STAG3: variants seen among roughly 807,000 people sequenced by gnomAD.
The protein encoded by STAG3 is STAG3 cohesin complex component.
A neutral mutation model predicts 160.7 loss-of-function variants in STAG3; 101 were observed. The ratio of observed to expected loss-of-function variants is 0.63; its 90% CI spans 0.54 to 0.74. STAG3 has a LOEUF of 0.74. Among genes scored for constraint, STAG3 ranks in the 30% least tolerant of loss-of-function variants. STAG3 has a pLI of 0.00. For synonymous variants in STAG3, 519 were observed against 585.0 expected (o/e 0.89, Z 1.63); for missense variants, 1,188 against 1,517.4 (o/e 0.78, Z 3.61).
chr7:100,208,761 C>G (rs1801897562), intron 29 of STAG3, among the ~76,000 whole-genome samples: 1 of 152,156 alleles, frequency 6.6e-6, no homozygotes, highest in Non-Finnish European at 1.5e-5. Context: ...CTAAACATCT[C>G]TTTCTTTAGA....
chr7:100,179,701 T>G (rs1799517731), intron 1 of STAG3, among the ~76,000 whole-genome samples: 1 of 152,172 alleles, frequency 6.6e-6, no homozygotes, highest in Non-Finnish European at 1.5e-5. Context: ...TTGTTGTGCT[T>G]AATCCCTTGA....
At chr7:100,201,195 T>C in intron 20 of STAG3, 35 bp downstream of exon 20, 1 of 1,614,110 alleles carries the variant, frequency 6.2e-7, no homozygotes, top group Non-Finnish European at 8.5e-7. Context: ...CATCCCGTTT[T>C]TACTGGTGTC....
downstream of STAG3, chr7:100,214,841 A>G (rs1488942596): frequency 6.6e-6 from 1 of 152,150 alleles, no homozygotes; most frequent in Non-Finnish European, 1.5e-5. Context: ...GTCCAACCCT[A>G]AAATCCAAGT....
chr7:100,182,404 C>T (rs146224381), intron 3 of STAG3, among the ~76,000 whole-genome samples: 1 of 150,456 alleles, frequency 6.6e-6, no homozygotes, highest in East Asian at 1.9e-4. Flanking sequence ...TCAGGTGATA[C>T]GGTTCATAAA....
chr7:100,217,383 C>G (rs938547608), downstream of STAG3, among the ~76,000 whole-genome samples: 1 of 152,240 alleles, frequency 6.6e-6, no homozygotes, highest in Non-Finnish European at 1.5e-5. Flanking sequence ...GCTTAGGTAG[C>G]AGGCATGGAG....
rs149417280 is a variant in STAG3 at position 100,211,167 on chromosome 7, A to G, written c.3395A>G (p.Glu1132Gly). ...LKEMEEEDGS[E>G]LDFAQGSQPV... is the part of the protein sequence containing the mutation. Reference sequence around the variant, plus strand: ...GAGATGGAGGAAGAAGATGGCTCAGAGTTGGATTTTGCCCAGGGGTGAGGC... The same window carrying G: ...GAGATGGAGGAAGAAGATGGCTCAGGGTTGGATTTTGCCCAGGGGTGAGGC... The change falls in exon 30 of 34, where the codon GAG (glutamate) becomes GGG (glycine). Residue 1132 changes from glutamate to glycine, a missense_variant. Physicochemically the swap from Glu to Gly is moderately conservative, Grantham distance 98. Around this residue, in one of 4 missense-constraint regions of STAG3, gnomAD observed 647 missense variants for 717.2 expected, o/e 0.90. Coordinates refer to ENST00000615138, the MANE Select transcript of STAG3 (RefSeq NM_001282717.2). 9.6e-5 allele frequency: 153 copies of G among 1,587,130 alleles called. No individual in the cohort carries two copies. The African/African-American group carries it at 1.9e-3, about 20-fold the overall frequency.
In STAG3 at chr7:100,211,077, T is replaced by TGCCCCCCC; in HGVS notation, c.3305_3306insGCCCCCCC (p.Ile1102MetfsTer15). 3 of 1,600,766 alleles carry TGCCCCCCC rather than the reference T, an allele frequency of 1.9e-6. No homozygotes were observed. The highest frequency in any genetic ancestry group is 1.1e-5 in the South Asian group (1 of 90,826). ...GAAGAAAGTCTGCAGCTGAACAGCA[T>TGCCCCCCC]CCCGCCCACGCCCACCCTCACCTCC... On this transcript the variant is annotated frameshift_variant, in exon 30 of 34. Transcript: ENST00000615138. LOFTEE classifies it high-confidence loss of function.
chr7:100,210,925 C>G, intron 29 of STAG3, 86 bp from the exon 30 acceptor site: 1 of 1,419,520 alleles, frequency 7.0e-7, no homozygotes, highest in Non-Finnish European at 9.6e-7. Flanking sequence ...TTGACTTTCC[C>G]TTACTAAATC....
chr7:100,201,860 T>C lies in STAG3; in HGVS notation c.2295T>C (p.Ala765=), dbSNP rs773425036. ...WTLTHISKSD[A]SQKQLSSLRD... is the part of the protein sequence containing the mutation. Reference sequence around the variant, plus strand: ...TAACCCACATTTCTAAATCAGATGCTTCCCAGGTGAGTGTGGGTCTTAGAT... The same window carrying C: ...TAACCCACATTTCTAAATCAGATGCCTCCCAGGTGAGTGTGGGTCTTAGAT... Residue 765 remains alanine (A), a synonymous_variant, in exon 22 of 34, where the codon GCT becomes GCC. Coordinates refer to ENST00000615138, the MANE Select transcript of STAG3 (RefSeq NM_001282717.2). The C allele has an allele frequency of 1.2e-5, 20 of 1,614,064 alleles. No individual in the cohort carries two copies. The highest frequency in any genetic ancestry group is 1.6e-5 in the Non-Finnish European group (19 of 1,180,012).
At chr7:100,198,651 C>A in intron 13 of STAG3, 69 bp downstream of exon 13, 1 of 1,464,798 alleles carries the variant, frequency 6.8e-7, no homozygotes, top group East Asian at 2.3e-5. Flanking sequence ...CTGCTGCTGC[C>A]CTACCTAAGG....
At chr7:100,198,790 C>T (rs1466017734) in intron 13 of STAG3, 53 bp from the exon 14 acceptor site, 3 of 1,517,602 alleles carry the variant, frequency 2.0e-6, no homozygotes, top group East Asian at 2.2e-5. Flanking sequence ...GTGGTCGTTA[C>T]ACCTCCTTGT....
intron 8 of STAG3, among the ~76,000 whole-genome samples, chr7:100,190,500 A>G (rs140672630): frequency 7.7e-4 from 117 of 152,286 alleles, no homozygotes; most frequent in African/African-American, 2.7e-3. Context: ...CTTGAATATT[A>G]ATCTATCCCG....
chr7:100,199,647 ATG>A lies in STAG3; in HGVS notation c.1677+4_1677+5del. 2 of 1,585,990 alleles carry A rather than the reference ATG, an allele frequency of 1.3e-6. No individual in the cohort carries two copies. The highest frequency in any genetic ancestry group is 1.7e-6 in the Non-Finnish European group (2 of 1,165,900). On this transcript the variant is annotated splice_donor_5th_base_variant and intron_variant, in intron 16 of 33. Coordinates refer to ENST00000615138, the MANE Select transcript of STAG3 (RefSeq NM_001282717.2). ...TGGGCCGGGTCACTGGGAGGAAGGTATGGTGTGAGGGTAGAGTGGGTAGGTCA... is the reference window on the plus strand; with the variant it reads ...TGGGCCGGGTCACTGGGAGGAAGGTAGTGTGAGGGTAGAGTGGGTAGGTCA...
Position 100,211,077 on chromosome 7 carries a change from T to TGCCCCCCCC in STAG3, c.3305_3306insGCCCCCCCC (p.Ile1102delinsMetProProPro). 6.2e-7 allele frequency: 1 copy of TGCCCCCCCC among 1,600,786 alleles called. No homozygotes were observed. Among genetic ancestry groups the TGCCCCCCCC allele is most frequent in the Non-Finnish European group, 8.6e-7 (1 of 1,168,808 alleles). On this transcript the variant is annotated protein_altering_variant, in exon 30 of 34. Coordinates refer to ENST00000615138, the MANE Select transcript of STAG3 (RefSeq NM_001282717.2). ...GAAGAAAGTCTGCAGCTGAACAGCA[T>TGCCCCCCCC]CCCGCCCACGCCCACCCTCACCTCC... is the stretch of plus-strand genomic sequence containing the variant.
At chr7:100,215,340 C>T (rs959046554), downstream of STAG3, among the ~76,000 whole-genome samples, 3 of 152,160 alleles carry the variant, frequency 2.0e-5, no homozygotes, top group African/African-American at 7.2e-5. Flanking sequence ...TTCATTCTCC[C>T]TCCCCGCCCC....
chr7:100,198,990 G>C, intron 14 of STAG3, 33 bp downstream of exon 14: 1 of 1,593,026 alleles, frequency 6.3e-7, no homozygotes, highest in Non-Finnish European at 8.6e-7. Flanking sequence ...TGGCTGTTGT[G>C]CATAGGACCT....
downstream of STAG3, among the ~76,000 whole-genome samples, chr7:100,216,117 G>A (rs547743893): frequency 5.3e-5 from 8 of 152,256 alleles, no homozygotes; most frequent in East Asian, 5.8e-4. Flanking sequence ...TGAGGTCCAG[G>A]GATCAGGGAG....
At chr7:100,213,831 A>C (rs1349750966) in intron 33 of STAG3, 25 bp downstream of exon 33, 1 of 1,614,048 alleles carries the variant, frequency 6.2e-7, no homozygotes, top group African/African-American at 1.3e-5. Context: ...AGCAGGAGTT[A>C]TGTATCCTTC....
At chr7:100,213,936 C>G (rs767825790) in intron 33 of STAG3, 71 bp from the exon 34 acceptor site, 4 of 1,613,396 alleles carry the variant, frequency 2.5e-6, no homozygotes, top group Non-Finnish European at 3.4e-6. Context: ...TGAGGGTAAC[C>G]CAGGGGAGGA....
Sources: gnomAD v4.1 joint callset for allele counts (sites outside exome capture counted in the v4.1 genomes callset) on GRCh38, gnomAD v4.1.1 for gene constraint, gnomAD v4.1.1 regional missense constraint, MANE v1.5 for transcripts, NCBI Gene and HGNC (gene_info 2026-07-23, HGNC 2026-07-21) for gene names.